CNTNAP2: variants seen among roughly 807,000 people sequenced by gnomAD.
The protein encoded by CNTNAP2 is contactin associated protein 2, also known as contactin-associated protein-like 2.
CNTNAP2 carries 98 observed loss-of-function variants against 155.2 expected under a neutral mutation model. That is an observed-to-expected ratio of 0.63 (90% CI 0.54 to 0.75). The LOEUF (loss-of-function observed/expected upper bound fraction) is 0.75, where lower values mean the gene tolerates loss of function less well. Ranked by LOEUF, CNTNAP2 falls within the 30% of genes least tolerant of loss-of-function variation. The pLI is 0.00. For missense variants in CNTNAP2, 1,727 were observed against 1,688.1 expected (o/e 1.02, Z -0.40); for synonymous variants, 651 against 631.2 (o/e 1.03, Z -0.47).
At chr7:147,082,071 C>T (rs918755202) in intron 4 of CNTNAP2, 1 of 152,006 alleles carries the variant, frequency 6.6e-6, no homozygotes, top group South Asian at 2.1e-4. Context: ...GCAGGAAATA[C>T]AATGGTTTCA....
intron 2 of CNTNAP2, among the ~76,000 whole-genome samples, chr7:146,807,017 TA>T (rs1293155129): frequency 1.3e-5 from 2 of 152,122 alleles, no homozygotes; most frequent in Non-Finnish European, 2.9e-5. Context: ...GACTGCCCCT[TA>T]AATGAAAAAA....
chr7:146,444,892 A>C (rs927463711), intron 1 of CNTNAP2, among the ~76,000 whole-genome samples: 29 of 151,904 alleles, frequency 1.9e-4, no homozygotes, highest in South Asian at 4.2e-4. Context: ...CCTGGCCTCA[A>C]GTAATCCACC....
chr7:147,436,086 G>A (rs1249992091), intron 10 of CNTNAP2, among the ~76,000 whole-genome samples: 1 of 152,104 alleles, frequency 6.6e-6, no homozygotes, highest in East Asian at 1.9e-4. Flanking sequence ...GCCCTCTCCA[G>A]CTTCATCCTA....
chr7:147,498,304 T>C lies in CNTNAP2; in HGVS notation c.1777+12263T>C, dbSNP rs1317200715. Among the ~76,000 whole-genome samples the C allele has an allele frequency of 2.6e-5, 4 of 152,216 alleles. No homozygotes were observed. In the East Asian group the frequency reaches 5.8e-4, roughly 22 times the overall value. ...GAAGCCCAGTGATGGATGATGAAAG[T>C]GCAGTCATTGCAAAACAAGTCCTTC... On this transcript the variant is annotated intron_variant, in intron 11 of 23. Transcript: ENST00000361727.
intron 3 of CNTNAP2, among the ~76,000 whole-genome samples, chr7:146,984,917 A>G (rs1294867140): frequency 6.6e-6 from 1 of 152,200 alleles, no homozygotes. Context: ...ATTTAATTTT[A>G]GTAGAATTTG....
intron 1 of CNTNAP2, among the ~76,000 whole-genome samples, chr7:146,739,056 AT>A (rs1353866242): frequency 6.6e-6 from 1 of 150,680 alleles, no homozygotes; most frequent in African/African-American, 2.4e-5. Context: ...AGATTTGTTG[AT>A]TTTGTTTATC....
intron 8 of CNTNAP2, among the ~76,000 whole-genome samples, chr7:147,243,354 CTATTTT>C (rs1346138807): frequency 9.2e-5 from 14 of 152,146 alleles, no homozygotes; most frequent in African/African-American, 3.4e-4. Flanking sequence ...ATCTAATTTT[CTATTTT>C]TATGTTATGT....
intron 1 of CNTNAP2, among the ~76,000 whole-genome samples, chr7:146,346,253 C>G (rs905688580): frequency 1.3e-5 from 2 of 152,188 alleles, no homozygotes; most frequent in African/African-American, 2.4e-5. Context: ...TCTGTATTTA[C>G]AGCCGCTCCC....
At chr7:147,999,636 G>A (rs575398828) in intron 15 of CNTNAP2, among the ~76,000 whole-genome samples, 1 of 152,226 alleles carries the variant, frequency 6.6e-6, no homozygotes, top group South Asian at 2.1e-4. Flanking sequence ...GTAGGAAATA[G>A]GGTCTTTATA....
chr7:147,750,062 T>C (rs903183917), intron 13 of CNTNAP2, among the ~76,000 whole-genome samples: 1 of 152,254 alleles, frequency 6.6e-6, no homozygotes, highest in African/African-American at 2.4e-5. Flanking sequence ...ACAGCCATTA[T>C]AAAGGAATGC....
At chr7:147,492,381 C>T (rs571885514) in intron 11 of CNTNAP2, among the ~76,000 whole-genome samples, 4 of 152,248 alleles carry the variant, frequency 2.6e-5, no homozygotes, top group Non-Finnish European at 4.4e-5. Flanking sequence ...AGAGTGTGGT[C>T]AATTACTATA....
At chr7:146,362,533 A>T (rs1355093274) in intron 1 of CNTNAP2, among the ~76,000 whole-genome samples, 2 of 152,152 alleles carry the variant, frequency 1.3e-5, no homozygotes, top group Non-Finnish European at 2.9e-5. Context: ...TTGAGGCAAG[A>T]AATATGTTTT....
At chr7:147,936,304 T>G (rs56341345) in intron 14 of CNTNAP2, among the ~76,000 whole-genome samples, 46,123 of 150,930 alleles carry the variant, frequency 0.31, 8,544 homozygotes, top group Middle Eastern at 0.46. Flanking sequence ...TATTTTATTT[T>G]TTTTTTTTTG....
chr7:147,594,138 T>TC (rs961380184), intron 12 of CNTNAP2, among the ~76,000 whole-genome samples: 6 of 149,834 alleles, frequency 4.0e-5, no homozygotes, highest in South Asian at 2.1e-4. Context: ...TTTTTTTTTT[T>TC]TTTTTTGAGA....
intron 4 of CNTNAP2, among the ~76,000 whole-genome samples, chr7:147,086,555 C>T (rs1323201149): frequency 6.6e-6 from 1 of 152,002 alleles, no homozygotes; most frequent in African/African-American, 2.4e-5. Flanking sequence ...CCCACCTCAG[C>T]CTCCTAAGTA....
At chr7:146,121,363 T>C (rs1346145763) in intron 1 of CNTNAP2, among the ~76,000 whole-genome samples, 1 of 152,058 alleles carries the variant, frequency 6.6e-6, no homozygotes, top group Non-Finnish European at 1.5e-5. Flanking sequence ...ACATGTCATC[T>C]GTTTTTAAAA....
intron 1 of CNTNAP2, among the ~76,000 whole-genome samples, chr7:146,649,211 C>T (rs1227836244): frequency 4.6e-5 from 7 of 152,026 alleles, no homozygotes; most frequent in African/African-American, 1.7e-4. Flanking sequence ...CTGCTATTTT[C>T]AAGATATTGT....
chr7:148,114,395 C>A (rs17170838), intron 15 of CNTNAP2, among the ~76,000 whole-genome samples: 44,363 of 151,952 alleles, frequency 0.29, 7,983 homozygotes, highest in East Asian at 0.68. Context: ...ATGAGAGGGG[C>A]AATGAGTTAC....
rs1491221334 is a variant in CNTNAP2, at chr7:146,535,389, TGA to T, written c.98-238881_98-238880del. Reference sequence around the variant, plus strand: ...TGTATATTATATATGATATAATATATGATATATATATTATATATGATATAATA... The same window carrying T: ...TGTATATTATATATGATATAATATATTATATATATTATATATGATATAATA... On this transcript the variant is annotated intron_variant, in intron 1 of 23. Transcript: ENST00000361727. Among the ~76,000 whole-genome samples, 2 of 47,948 alleles carry T rather than the reference TGA, an allele frequency of 4.2e-5. 1 individual carries two copies. The highest frequency in any genetic ancestry group is 6.6e-5 in the Non-Finnish European group (2 of 30,230). The allele number at this position is 47,948 out of a possible 152,430, so 31.5% of individuals were successfully genotyped here.
Sources: allele counts gnomAD v4.1 joint callset (sites outside exome capture counted in the v4.1 genomes callset), GRCh38; gene constraint gnomAD v4.1.1; transcripts MANE v1.5; gene names NCBI Gene and HGNC (gene_info 2026-07-23, HGNC 2026-07-21).